TAFA5: variants seen among roughly 807,000 people sequenced by gnomAD.
The protein encoded by TAFA5 is TAFA chemokine like family member 5.
A neutral mutation model predicts 15.3 loss-of-function variants in TAFA5; 6 were observed. The ratio of observed to expected loss-of-function variants is 0.39; its 90% CI spans 0.21 to 0.77. TAFA5 has a LOEUF of 0.77. TAFA5 is among the 30% of genes least tolerant of loss of function. The probability of loss-of-function intolerance (pLI) is 0.41; values close to 1 mark genes in which losing one functional copy is unlikely to be tolerated. For synonymous variants in TAFA5, 103 were observed against 80.7 expected, an observed-to-expected ratio of 1.28 and a Z score of -1.48; for missense variants, 161 against 193.1, an observed-to-expected ratio of 0.83 and a Z score of 0.98.
intron 2 of TAFA5, among the ~76,000 whole-genome samples, chr22:48,655,827 ATTCTTT>A: frequency 1.1e-5 from 1 of 89,452 alleles, no homozygotes; most frequent in African/African-American, 5.1e-5. Flanking sequence ...CCAAACACTG[ATTCTTT>A]TTTTTTTTTT....
chr22:48,597,051 C>A (rs988424710), intron 1 of TAFA5, among the ~76,000 whole-genome samples: 1 of 152,258 alleles, frequency 6.6e-6, no homozygotes, highest in African/African-American at 2.4e-5. Flanking sequence ...TGGCGATCCT[C>A]CCGTCTTGGC....
intron 1 of TAFA5, among the ~76,000 whole-genome samples, chr22:48,559,368 G>A (rs936408594): frequency 2.0e-5 from 3 of 152,208 alleles, no homozygotes; most frequent in African/African-American, 7.2e-5. Context: ...CTAGTCTGGA[G>A]GTGGCCTTGC....
intron 1 of TAFA5, among the ~76,000 whole-genome samples, chr22:48,578,652 G>A (rs1486122103): frequency 6.6e-6 from 1 of 152,228 alleles, no homozygotes; most frequent in Non-Finnish European, 1.5e-5. Flanking sequence ...GCGGGTCCCA[G>A]TGTTTGCGCA....
At position 48,610,096 on chromosome 22, in the gene TAFA5, G is replaced by A. The variant is rs369025186; in HGVS notation, c.113-36501G>A. Among the ~76,000 whole-genome samples, 14 of 152,326 alleles carry A rather than the reference G, an allele frequency of 9.2e-5. 1 individual carries two copies. In the East Asian group the frequency reaches 2.7e-3, roughly 29 times the overall value. Reference sequence around the variant, plus strand: ...GAACCCATAACAACACACAGTGGAGGGGGCTGTTTGGCTTTGGATGGAGCC... The same window carrying A: ...GAACCCATAACAACACACAGTGGAGAGGGCTGTTTGGCTTTGGATGGAGCC... On this transcript the variant is annotated intron_variant, in intron 1 of 3. Coordinates refer to ENST00000402357, the MANE Select transcript of TAFA5 (RefSeq NM_001082967.3).
chr22:48,524,409 G>A (rs1426362823), intron 1 of TAFA5, among the ~76,000 whole-genome samples: 1 of 152,178 alleles, frequency 6.6e-6, no homozygotes. Flanking sequence ...ACCCTGAGGA[G>A]CCCAGCAGTG....
chr22:48,489,694 C>A lies in TAFA5; in HGVS notation c.102C>A (p.Ile34=). The A allele has an allele frequency of 6.6e-7, 1 of 1,509,502 alleles. No homozygotes were observed. Among genetic ancestry groups the A allele is most frequent in the Non-Finnish European group, 8.9e-7 (1 of 1,126,730 alleles). The allele number at this position is 1,509,502 out of a possible 1,614,324, so 93.5% of individuals were successfully genotyped here. A position where few individuals can be genotyped will look rare whatever the true frequency, so the allele number is the denominator to read the frequency against. ...TCATGATCCTGGCCAGCCTGCTCAT[C>A]GCCTACTGCAGTGAGTACCGCGCGG... ...WAFMILASLL[I]AYCSQLAAGT... The change falls in exon 1 of 4, where the codon ATC becomes ATA. Residue 34 remains isoleucine, a synonymous_variant. Transcript: ENST00000402357. The surrounding 1 kb of genome is among the most constrained non-coding windows in gnomAD (Gnocchi z 5.5).
intron 1 of TAFA5, among the ~76,000 whole-genome samples, chr22:48,510,295 C>T (rs963967535): frequency 6.6e-6 from 1 of 152,092 alleles, no homozygotes; most frequent in African/African-American, 2.4e-5. Flanking sequence ...GGTTCTTCCT[C>T]CAAGGGACTA....
chr22:48,595,340 C>T lies in TAFA5; in HGVS notation c.113-51257C>T, dbSNP rs115539822. 3.4e-3 allele frequency among the ~76,000 whole-genome samples: 520 copies of T among 152,320 alleles called. 4 individuals are homozygous for T. Among genetic ancestry groups the T allele is most frequent in the African/African-American group, 0.011 (474 of 41,574 alleles). ...CTTCCAGGTTCTCCTCTTCCCGGCG[C>T]GTCAGTGGGGGTGTGGTTGTGCCCC... On this transcript the variant is annotated intron_variant, in intron 1 of 3. Transcript: ENST00000402357.
Position 48,729,782 on chromosome 22 carries a change from A to G in TAFA5, c.391-20057A>G, listed in dbSNP as rs1209944530. Among the ~76,000 whole-genome samples, 19 of 148,254 alleles carry G rather than the reference A, an allele frequency of 1.3e-4. 1 individual carries two copies. The highest frequency in any genetic ancestry group is 1.3e-3 in the Admixed American group (19 of 14,838). On this transcript the variant is annotated intron_variant, in intron 3 of 3. Coordinates refer to ENST00000402357, the MANE Select transcript of TAFA5 (RefSeq NM_001082967.3). ...AATATATAAATTTAAATATAAATAT[A>G]TAAATATATATTTAGGAACTGAAAT...
intron 1 of TAFA5, among the ~76,000 whole-genome samples, chr22:48,555,467 T>G (rs1569023975): frequency 6.6e-6 from 1 of 152,206 alleles, no homozygotes; most frequent in African/African-American, 2.4e-5. Context: ...TCCTGTGGCT[T>G]TTCCTGACTC....
intron 1 of TAFA5, among the ~76,000 whole-genome samples, chr22:48,582,536 AC>A (rs1924099153): frequency 6.6e-6 from 1 of 151,214 alleles, no homozygotes; most frequent in Non-Finnish European, 1.5e-5. Flanking sequence ...CACACAAAAT[AC>A]ACCACATACC....
intron 3 of TAFA5, among the ~76,000 whole-genome samples, chr22:48,725,597 C>T (rs751246249): frequency 7.9e-5 from 12 of 151,920 alleles, no homozygotes; most frequent in African/African-American, 2.9e-4. Flanking sequence ...AAGATGGATA[C>T]GGAGACACCA....
intron 3 of TAFA5, among the ~76,000 whole-genome samples, chr22:48,717,922 A>T (rs533381590): frequency 1.4e-4 from 22 of 152,332 alleles, no homozygotes; most frequent in African/African-American, 4.8e-4. Context: ...ATAAGGCCCC[A>T]GGCTGGGCAG....
chr22:48,707,166 ACGAGG>A (rs971554100), intron 2 of TAFA5, among the ~76,000 whole-genome samples: 9 of 148,582 alleles, frequency 6.1e-5, no homozygotes, highest in African/African-American at 2.2e-4. Flanking sequence ...TGCAGATGAG[ACGAGG>A]CGGGAGTAGG....
intron 1 of TAFA5, among the ~76,000 whole-genome samples, chr22:48,562,177 G>T (rs12485214): frequency 1.3e-5 from 2 of 151,662 alleles, no homozygotes; most frequent in Admixed American, 6.6e-5. Context: ...TCGCTCTGTC[G>T]CCCAGGTTGG....
chr22:48,707,885 G>A, intron 3 of TAFA5, 41 bp downstream of exon 3: 1 of 1,597,220 alleles, frequency 6.3e-7, no homozygotes, highest in Non-Finnish European at 8.5e-7. Flanking sequence ...GCTGGGGAGG[G>A]GGTATGTGTG....
At chr22:48,743,331 CCCGCCT>C (rs1930235628) in intron 3 of TAFA5, among the ~76,000 whole-genome samples, 1 of 152,200 alleles carries the variant, frequency 6.6e-6, no homozygotes, top group Admixed American at 6.5e-5. Flanking sequence ...CTGCGTGGCT[CCCGCCT>C]CTGTCTCTGT....
At chr22:48,606,362 A>G (rs1925194516) in intron 1 of TAFA5, among the ~76,000 whole-genome samples, 1 of 152,190 alleles carries the variant, frequency 6.6e-6, no homozygotes, top group South Asian at 2.1e-4. Flanking sequence ...ACTCCCTTCC[A>G]CAAGCAGAGA....
At chr22:48,615,048 A>T (rs1925547725) in intron 1 of TAFA5, among the ~76,000 whole-genome samples, 1 of 152,148 alleles carries the variant, frequency 6.6e-6, no homozygotes, top group Admixed American at 6.5e-5. Context: ...TATTCAAACA[A>T]CCACAACCAG....
Sources: allele counts gnomAD v4.1 joint callset (sites outside exome capture counted in the v4.1 genomes callset), GRCh38; gene constraint gnomAD v4.1.1; non-coding constraint Gnocchi (gnomAD v3.1); transcripts MANE v1.5; gene names NCBI Gene and HGNC (gene_info 2026-07-23, HGNC 2026-07-21).